NUP214: variants seen among roughly 807,000 people sequenced by gnomAD.
NUP214 encodes nuclear pore complex protein Nup214.
A neutral mutation model predicts 196.2 loss-of-function variants in NUP214; 79 were observed. The observed-to-expected ratio is 0.40, with a 90% confidence interval of 0.34 to 0.49. NUP214 has a LOEUF of 0.49. NUP214 is among the 20% of genes least tolerant of loss of function. The pLI is 0.58. For missense variants in NUP214, 2,468 were observed against 2,539.0 expected, an observed-to-expected ratio of 0.97 and a Z score of 0.60; for synonymous variants, 1,020 against 990.5, an observed-to-expected ratio of 1.03 and a Z score of -0.56.
chr9:131,224,276 C>T (rs942596332), intron 32 of NUP214, among the ~76,000 whole-genome samples: 12 of 152,098 alleles, frequency 7.9e-5, no homozygotes, highest in Non-Finnish European at 1.8e-4. Flanking sequence ...ATGTTTAGAT[C>T]TGAAAACATG....
intron 3 of NUP214, 98 bp downstream of exon 3, chr9:131,128,581 G>A (rs557312968): frequency 9.5e-7 from 1 of 1,051,526 alleles, no homozygotes; most frequent in African/African-American, 1.6e-5. Context: ...AACCCTTGAA[G>A]TTTCTCTCTA....
chr9:131,160,823 T>G (rs940334028), intron 18 of NUP214, among the ~76,000 whole-genome samples: 3 of 152,176 alleles, frequency 2.0e-5, no homozygotes, highest in African/African-American at 7.2e-5. Flanking sequence ...GAGATAGAAG[T>G]GAGAAGCTCT....
rs546844391 is a variant in NUP214 at position 131,134,792 on chromosome 9, A to C, written c.832-106A>C. On this transcript the variant is annotated intron_variant, in intron 7 of 35. Coordinates refer to ENST00000359428, the MANE Select transcript of NUP214 (RefSeq NM_005085.4). ...TGTCCGTATATCTGGACTTTGAGTAAATATTCTCATATAACTTTAAATGAT... is the reference window on the plus strand; with the variant it reads ...TGTCCGTATATCTGGACTTTGAGTACATATTCTCATATAACTTTAAATGAT... 4 of 724,530 alleles carry C rather than the reference A, an allele frequency of 5.5e-6. No individual in the cohort carries two copies. The African/African-American group carries it at 7.1e-5, about 13-fold the overall frequency. 44.9% of individuals were successfully genotyped at this position (724,530 alleles called of 1,614,324 possible).
intron 30 of NUP214, among the ~76,000 whole-genome samples, chr9:131,212,528 A>C (rs921852164): frequency 6.6e-6 from 1 of 151,808 alleles, no homozygotes; most frequent in Non-Finnish European, 1.5e-5. Context: ...CTTTCCCTTT[A>C]TTTCTCAGAC....
chr9:131,177,636 A>C (rs891774438), intron 23 of NUP214, among the ~76,000 whole-genome samples: 3 of 152,166 alleles, frequency 2.0e-5, no homozygotes, highest in African/African-American at 7.2e-5. Flanking sequence ...CCAGTGATGC[A>C]GTTAGTAATG....
chr9:131,143,010 A>T (rs1831968808), intron 11 of NUP214, among the ~76,000 whole-genome samples: 1 of 152,100 alleles, frequency 6.6e-6, no homozygotes, highest in Non-Finnish European at 1.5e-5. Context: ...TAGAAAAAAA[A>T]ATTATTCATT....
At chr9:131,224,191 T>C (rs2131098619) in intron 32 of NUP214, among the ~76,000 whole-genome samples, 1 of 152,340 alleles carries the variant, frequency 6.6e-6, no homozygotes, top group Admixed American at 6.5e-5. Context: ...TTAAAGTATA[T>C]ATTTATATAA....
chr9:131,144,235 A>G (rs1420521050), intron 11 of NUP214, 45 bp from the exon 12 acceptor site: 7 of 1,411,464 alleles, frequency 5.0e-6, no homozygotes, highest in Admixed American at 3.7e-5. Flanking sequence ...GTGAACCTCC[A>G]CTGTTACAGT....
intron 7 of NUP214, among the ~76,000 whole-genome samples, chr9:131,134,388 T>C (rs1215018327): frequency 6.6e-6 from 1 of 152,202 alleles, no homozygotes; most frequent in Non-Finnish European, 1.5e-5. Context: ...AATTTGATAC[T>C]TGAAAAAGAT....
chr9:131,181,659 T>C (rs970872320), intron 24 of NUP214, among the ~76,000 whole-genome samples: 5 of 152,242 alleles, frequency 3.3e-5, no homozygotes, highest in Admixed American at 1.3e-4. Flanking sequence ...GTTCCTTTGC[T>C]CCATTTTAAA....
intron 16 of NUP214, 80 bp downstream of exon 16, chr9:131,150,845 C>A: frequency 7.4e-7 from 1 of 1,349,236 alleles, no homozygotes; most frequent in Non-Finnish European, 1.0e-6. Context: ...GGGTTATGTA[C>A]TTTATTTCTT....
At position 131,125,625 on chromosome 9, in the gene NUP214, T is replaced by A; in HGVS notation, c.-80T>A. The A allele has an allele frequency of 6.5e-7, 1 of 1,536,832 alleles. No individual in the cohort carries two copies. Among genetic ancestry groups the A allele is most frequent in the East Asian group, 2.6e-5 (1 of 39,172 alleles). ...GCCGCTGGCGCTGAGGGGAGGAAGT[T>A]TGCTGTCGAGCGGCCTGGGTTCCGT... On this transcript the variant is annotated 5_prime_UTR_variant, in exon 1 of 36. The change creates a new upstream start codon in the 5' untranslated region. Coordinates refer to ENST00000359428, the MANE Select transcript of NUP214 (RefSeq NM_005085.4). This position sits in a 1 kb window ranked among gnomAD's most constrained non-coding sequence, Gnocchi z 4.1.
chr9:131,150,906 A>T, intron 16 of NUP214, 141 bp downstream of exon 16: 4 of 759,422 alleles, frequency 5.3e-6, no homozygotes, highest in Non-Finnish European at 8.5e-6. Context: ...TAGCTTGCCT[A>T]GAATCCCTGA....
At chr9:131,127,247 G>C (rs1831388089) in intron 1 of NUP214, among the ~76,000 whole-genome samples, 1 of 152,138 alleles carries the variant, frequency 6.6e-6, no homozygotes, top group Admixed American at 6.5e-5. Context: ...GATGGCCATG[G>C]TGGCGGGTGC....
In NUP214 at chr9:131,146,389, A is replaced by AGTTG. The variant is rs1832088054; in HGVS notation, c.1945+87_1945+90dup. On this transcript the variant is annotated intron_variant, in intron 13 of 35. Coordinates refer to ENST00000359428, the MANE Select transcript of NUP214 (RefSeq NM_005085.4). This position sits in a 1 kb window ranked among gnomAD's most constrained non-coding sequence, Gnocchi z 4.6. ...AAGTGTTAAGAGTCGTAGCTAACAT[A>AGTTG]GTTGGACAAGGTTATTTTTTCTTGC... The AGTTG allele has an allele frequency of 7.4e-7, 1 of 1,343,120 alleles. No homozygotes were observed. Among genetic ancestry groups the AGTTG allele is most frequent in the African/African-American group, 1.5e-5 (1 of 68,628 alleles). 83.2% of individuals were successfully genotyped at this position (1,343,120 alleles called of 1,614,324 possible). A position where few individuals can be genotyped will look rare whatever the true frequency, so the allele number is the denominator to read the frequency against.
intron 18 of NUP214, among the ~76,000 whole-genome samples, chr9:131,161,809 C>T (rs1243594804): frequency 6.6e-6 from 1 of 152,152 alleles, no homozygotes; most frequent in Non-Finnish European, 1.5e-5. Flanking sequence ...AATGTGCTTA[C>T]ACTATGTGTA....
chr9:131,184,420 G>C (rs1833391857), intron 24 of NUP214, among the ~76,000 whole-genome samples: 1 of 148,574 alleles, frequency 6.7e-6, no homozygotes. Flanking sequence ...TGCAACCTCT[G>C]TCTCCCGGGT....
Position 131,209,209 on chromosome 9 carries a change from C to CA in NUP214, c.5593-5994dup, listed in dbSNP as rs145468772. On this transcript the variant is annotated intron_variant, in intron 30 of 35. Coordinates refer to ENST00000359428, the MANE Select transcript of NUP214 (RefSeq NM_005085.4). ...GCAACATGGCAAAATTCCATCTCTACAAAAAAAAAGACCCACAAGTTGGCT... is the reference window on the plus strand; with the variant it reads ...GCAACATGGCAAAATTCCATCTCTACAAAAAAAAAAGACCCACAAGTTGGCT... Among the ~76,000 whole-genome samples, 197 of 150,224 alleles carry CA rather than the reference C, an allele frequency of 1.3e-3. 1 individual carries two copies. Among genetic ancestry groups the CA allele is most frequent in the Non-Finnish European group, 2.2e-3 (147 of 67,400 alleles).
chr9:131,185,929 G>A lies in NUP214; in HGVS notation c.3420-1360G>A, dbSNP rs79910904. Among the ~76,000 whole-genome samples the A allele has an allele frequency of 5.8e-4, 88 of 152,262 alleles. 2 individuals carry two copies. In the East Asian group the frequency reaches 0.014, roughly 24 times the overall value. On this transcript the variant is annotated intron_variant, in intron 24 of 35. Coordinates refer to ENST00000359428, the MANE Select transcript of NUP214 (RefSeq NM_005085.4). The stretch of plus-strand genomic sequence containing the variant: ...ACTATCATGTCACAATTGAATTCTG[G>A]CTGTAAAAAATTTTCTAAAATTTGG...
Sources: gnomAD v4.1 joint callset for allele counts (sites outside exome capture counted in the v4.1 genomes callset) on GRCh38, gnomAD v4.1.1 for gene constraint, Gnocchi (gnomAD v3.1) non-coding constraint, MANE v1.5 for transcripts, NCBI Gene and HGNC (gene_info 2026-07-23, HGNC 2026-07-21) for gene names.